Variants in FOXJ3 observed in about 807,000 individuals in gnomAD.
FOXJ3 encodes the protein forkhead box J3, also known as forkhead box protein J3.
In FOXJ3, 22 loss-of-function variants were observed where a neutral mutation model predicts 76.1. The observed-to-expected ratio is 0.29, with a 90% CI of 0.21 to 0.41. The LOEUF (loss-of-function observed/expected upper bound fraction) is 0.41, where lower values mean the gene tolerates loss of function less well. FOXJ3 is among the 10% of genes least tolerant of loss of function. FOXJ3 has a pLI of 1.00. For synonymous variants in FOXJ3, 269 were observed against 261.2 expected (o/e 1.03, Z -0.29); for missense variants, 613 against 762.1 (o/e 0.80, Z 2.30).
chr1:42,293,701 T>C (rs1183431330), intron 2 of FOXJ3, among the ~76,000 whole-genome samples: 1 of 152,252 alleles, frequency 6.6e-6, no homozygotes, highest in African/African-American at 2.4e-5. Flanking sequence ...TCTTGCACTA[T>C]ACTAAGAAGC....
At chr1:42,257,249 G>A (rs868391103) in intron 4 of FOXJ3, among the ~76,000 whole-genome samples, 4 of 152,216 alleles carry the variant, frequency 2.6e-5, no homozygotes, top group Admixed American at 1.3e-4. Flanking sequence ...CTACAACTTT[G>A]ACCACATTTT....
chr1:42,258,798 AATCC>A (rs1650807280), intron 4 of FOXJ3, among the ~76,000 whole-genome samples: 2 of 152,322 alleles, frequency 1.3e-5, no homozygotes, highest in South Asian at 4.1e-4. Flanking sequence ...AGTGCCAATC[AATCC>A]TTTTAGAAAC....
intron 5 of FOXJ3, among the ~76,000 whole-genome samples, chr1:42,208,727 C>T (rs1301976563): frequency 2.0e-5 from 3 of 152,116 alleles, no homozygotes; most frequent in Admixed American, 6.5e-5. Flanking sequence ...AGATGCTCTT[C>T]GACTTATGAT....
At chr1:42,316,333 C>CTT (rs71065173) in intron 1 of FOXJ3, among the ~76,000 whole-genome samples, 7 of 73,914 alleles carry the variant, frequency 9.5e-5, no homozygotes, top group South Asian at 9.6e-4. Flanking sequence ...TGCATTGGGC[C>CTT]TTTTTTTTTT....
intron 4 of FOXJ3, among the ~76,000 whole-genome samples, chr1:42,244,075 G>T (rs1289109216): frequency 3.3e-5 from 5 of 152,172 alleles, no homozygotes; most frequent in Admixed American, 3.3e-4. Context: ...ATGACTATTG[G>T]CTCAATAAAG....
At chr1:42,189,729 T>C (rs1221280219) in intron 9 of FOXJ3, 2 of 239,436 alleles carry the variant, frequency 8.4e-6, no homozygotes, top group Non-Finnish European at 1.6e-5. Context: ...CACCTAGTAA[T>C]ATCAAACTTG....
chr1:42,258,102 G>T (rs562417475), intron 4 of FOXJ3, among the ~76,000 whole-genome samples: 1 of 152,146 alleles, frequency 6.6e-6, no homozygotes, highest in Non-Finnish European at 1.5e-5. Flanking sequence ...TTGGTAAAGG[G>T]AATCATCATA....
At chr1:42,292,238 T>C (rs1653483874) in intron 2 of FOXJ3, among the ~76,000 whole-genome samples, 1 of 152,216 alleles carries the variant, frequency 6.6e-6, no homozygotes, top group African/African-American at 2.4e-5. Context: ...AGACTGACCA[T>C]ACTAAATGTT....
At chr1:42,263,729 A>T (rs1651240048) in intron 4 of FOXJ3, among the ~76,000 whole-genome samples, 2 of 152,150 alleles carry the variant, frequency 1.3e-5, no homozygotes, top group African/African-American at 4.8e-5. Flanking sequence ...TAACTTCAAG[A>T]AGTTAACAGT....
intron 3 of FOXJ3, among the ~76,000 whole-genome samples, chr1:42,277,872 G>A (rs2124672211): frequency 6.7e-6 from 1 of 149,528 alleles, no homozygotes; most frequent in East Asian, 2.0e-4. Flanking sequence ...AGCTACTCAG[G>A]AGGCTGAGGC....
chr1:42,194,946 C>G lies in FOXJ3; in HGVS notation c.878G>C (p.Ser293Thr), dbSNP rs1413959785. The G allele has an allele frequency of 3.7e-6, 6 of 1,613,170 alleles. No individual in the cohort carries two copies. The highest frequency in any genetic ancestry group is 4.2e-6 in the Non-Finnish European group (5 of 1,179,500). Reference protein sequence around the residue: ...LFSEYNFEDLSASFRSLYKSV... With the variant: ...LFSEYNFEDLTASFRSLYKSV... ...CTTATAAAGGCTCCGAAATGAGGCA[C>G]TAAGATCTTCAAAATTATATTCTGA... is the stretch of plus-strand genomic sequence containing the variant. The change falls in exon 8 of 13, where the codon AGT (serine) becomes ACT (threonine). Residue 293 changes from serine (S) to threonine (T), a missense_variant. Coordinates refer to ENST00000361346, the MANE Select transcript of FOXJ3 (RefSeq NM_014947.5).
chr1:42,264,951 T>G lies in FOXJ3; in HGVS notation c.444+164A>C, dbSNP rs1570100477. Reference sequence around the variant, plus strand: ...GTGGTGTGCAACAGCTATACACTAGTTAGGTTCCCACAGCTTAAAACTCTC... The same window carrying G: ...GTGGTGTGCAACAGCTATACACTAGGTAGGTTCCCACAGCTTAAAACTCTC... On this transcript the variant is annotated intron_variant, in intron 4 of 12. Coordinates refer to ENST00000361346, the MANE Select transcript of FOXJ3 (RefSeq NM_014947.5). 1.2e-5 allele frequency: 8 copies of G among 652,958 alleles called. No individual in the cohort carries two copies. The East Asian group carries it at 2.3e-4, about 18-fold the overall frequency. 40.4% of individuals were successfully genotyped at this position (652,958 alleles called of 1,614,324 possible).
At chr1:42,208,430 C>G (rs1353318169) in intron 5 of FOXJ3, among the ~76,000 whole-genome samples, 1 of 152,060 alleles carries the variant, frequency 6.6e-6, no homozygotes, top group Non-Finnish European at 1.5e-5. Flanking sequence ...GAATCAAAGA[C>G]TAAAAGAATG....
chr1:42,185,703 T>C (rs1646421648), intron 11 of FOXJ3, among the ~76,000 whole-genome samples: 1 of 152,104 alleles, frequency 6.6e-6, no homozygotes, highest in Non-Finnish European at 1.5e-5. Context: ...TGATGACCTT[T>C]AAGCAACGCA....
intron 4 of FOXJ3, among the ~76,000 whole-genome samples, chr1:42,242,468 C>A (rs1338870571): frequency 6.7e-6 from 1 of 150,280 alleles, no homozygotes; most frequent in Non-Finnish European, 1.5e-5. Context: ...CAATGAAATT[C>A]TAAAAATTCA....
intron 7 of FOXJ3, 105 bp downstream of exon 7, chr1:42,198,997 G>A: frequency 1.1e-6 from 1 of 877,112 alleles, no homozygotes; most frequent in Non-Finnish European, 1.8e-6. Flanking sequence ...ATTTATTAGT[G>A]AGAAAAACAT....
intron 2 of FOXJ3, among the ~76,000 whole-genome samples, chr1:42,282,899 C>T (rs1290891753): frequency 6.6e-6 from 1 of 152,178 alleles, no homozygotes; most frequent in East Asian, 1.9e-4. Context: ...AGATTCTGAT[C>T]TCCTTGAAAG....
chr1:42,301,140 T>C (rs1298539990), intron 2 of FOXJ3, among the ~76,000 whole-genome samples: 2 of 152,172 alleles, frequency 1.3e-5, no homozygotes, highest in African/African-American at 2.4e-5. Context: ...CTGTAGAATA[T>C]CTATAACCTG....
chr1:42,246,065 GA>G (rs1450894857), intron 4 of FOXJ3, among the ~76,000 whole-genome samples: 7 of 152,074 alleles, frequency 4.6e-5, no homozygotes, highest in Non-Finnish European at 1.0e-4. Context: ...ACTACTAGAA[GA>G]AACACAGGGG....
Sources: gnomAD v4.1 joint callset for allele counts (sites outside exome capture counted in the v4.1 genomes callset) on GRCh38, gnomAD v4.1.1 for gene constraint, MANE v1.5 for transcripts, NCBI Gene and HGNC (gene_info 2026-07-23, HGNC 2026-07-21) for gene names.